Variants in ABI3BP observed in about 807,000 individuals in gnomAD.
ABI3BP encodes target of Nesh-SH3.
In ABI3BP, 216 loss-of-function variants were observed where a neutral mutation model predicts 268.6. The observed-to-expected ratio is 0.80, with a 90% confidence interval of 0.72 to 0.90. ABI3BP has a LOEUF of 0.90. Among genes scored for constraint, ABI3BP ranks in the 40% least tolerant of loss-of-function variants. The pLI is 0.00. For missense variants in ABI3BP, 2,090 were observed against 2,182.4 expected (o/e 0.96, Z 0.84); for synonymous variants, 730 against 730.0 (o/e 1.00, Z 0.00).
intron 55 of ABI3BP, 73 bp from the exon 56 acceptor site, chr3:100,789,589 G>C (rs1033052807): frequency 2.1e-6 from 3 of 1,435,196 alleles, no homozygotes; most frequent in Non-Finnish European, 1.9e-6. Context: ...TAGCATCCTA[G>C]GGACCAACAA....
At chr3:100,889,498 C>CAT (rs1425267347) in intron 4 of ABI3BP, among the ~76,000 whole-genome samples, 1 of 152,112 alleles carries the variant, frequency 6.6e-6, no homozygotes, top group African/African-American at 2.4e-5. Context: ...TTTACCATAA[C>CAT]ATATAGTCAC....
At chr3:100,954,472 T>G (rs937936307) in intron 1 of ABI3BP, among the ~76,000 whole-genome samples, 1 of 152,232 alleles carries the variant, frequency 6.6e-6, no homozygotes, top group Admixed American at 6.5e-5. Context: ...TCAGTACATT[T>G]ATTTTTAAAA....
intron 4 of ABI3BP, among the ~76,000 whole-genome samples, chr3:100,888,410 A>G (rs1228985313): frequency 1.3e-5 from 2 of 152,078 alleles, no homozygotes; most frequent in East Asian, 1.9e-4. Flanking sequence ...AGAAGCTAAA[A>G]TCAGACCAGA....
intron 59 of ABI3BP, among the ~76,000 whole-genome samples, chr3:100,775,708 G>A (rs760394318): frequency 3.9e-5 from 6 of 152,160 alleles, no homozygotes; most frequent in Non-Finnish European, 8.8e-5. Context: ...CAGTATTATA[G>A]ACAGAGGTTA....
At chr3:100,874,782 G>C (rs2099144002) in intron 9 of ABI3BP, 59 bp downstream of exon 9, 10 of 1,006,750 alleles carry the variant, frequency 9.9e-6, no homozygotes, top group African/African-American at 8.1e-5. Context: ...GATTTCCTAA[G>C]AATATCAGTG....
At chr3:100,760,420 C>T (rs188967941) in intron 63 of ABI3BP, among the ~76,000 whole-genome samples, 48 of 152,222 alleles carry the variant, frequency 3.2e-4, no homozygotes, top group Non-Finnish European at 5.9e-4. Context: ...GGAAGAACTC[C>T]GTCCATCAGT....
chr3:100,993,257 A>T, intron 1 of ABI3BP, 49 bp downstream of exon 1: 9 of 1,282,748 alleles, frequency 7.0e-6, no homozygotes, highest in Non-Finnish European at 9.9e-6. Flanking sequence ...ATTTAAAAAC[A>T]TCTATATCTT....
chr3:100,962,591 A>G (rs891137056), intron 1 of ABI3BP, among the ~76,000 whole-genome samples: 4 of 152,110 alleles, frequency 2.6e-5, no homozygotes, highest in African/African-American at 9.7e-5. Flanking sequence ...CACAAACAAA[A>G]CACTCTCTGT....
chr3:100,886,335 C>A lies in ABI3BP; in HGVS notation c.462-12G>T. The A allele has an allele frequency of 6.4e-7, 1 of 1,552,646 alleles. No individual in the cohort carries two copies. Among genetic ancestry groups the A allele is most frequent in the Non-Finnish European group, 8.7e-7 (1 of 1,146,036 alleles). ...GAATTGTATAAAATCTGTTGAATAACCAGAATATAATGCTTTAAAATCACA... is the reference window on the plus strand; with the variant it reads ...GAATTGTATAAAATCTGTTGAATAAACAGAATATAATGCTTTAAAATCACA... On this transcript the variant is annotated splice_polypyrimidine_tract_variant and intron_variant, in intron 4 of 67. Coordinates refer to ENST00000471714, the MANE Select transcript of ABI3BP (RefSeq NM_001375547.2).
intron 14 of ABI3BP, 22 bp from the exon 15 acceptor site, chr3:100,851,962 A>G (rs1257938580): frequency 7.4e-7 from 1 of 1,343,954 alleles, no homozygotes; most frequent in East Asian, 2.4e-5. Flanking sequence ...AAAAAAGGCA[A>G]AACAAGAGAG....
intron 1 of ABI3BP, chr3:100,930,799 C>T (rs1378099895): frequency 6.6e-6 from 1 of 151,762 alleles, no homozygotes; most frequent in African/African-American, 2.4e-5. Flanking sequence ...GAAATTATTC[C>T]CCAAAAAATT....
intron 4 of ABI3BP, among the ~76,000 whole-genome samples, chr3:100,893,114 C>G (rs1216234479): frequency 6.6e-6 from 1 of 152,226 alleles, no homozygotes; most frequent in East Asian, 1.9e-4. Context: ...CTGTCTGAGT[C>G]TTCTAGCTTC....
chr3:100,864,381 C>G (rs1485894919), intron 11 of ABI3BP: 2 of 382,562 alleles, frequency 5.2e-6, no homozygotes, highest in Non-Finnish European at 9.3e-6. Context: ...TAAGAAACAA[C>G]AAACATGGGT....
intron 35 of ABI3BP, 147 bp from the exon 36 acceptor site, chr3:100,825,088 C>G: frequency 1.5e-6 from 1 of 674,532 alleles, no homozygotes; most frequent in South Asian, 2.2e-5. Context: ...TATAACGATG[C>G]GTCATTTTAT....
chr3:100,879,558 C>CG (rs2099204341), intron 6 of ABI3BP, among the ~76,000 whole-genome samples: 1 of 152,074 alleles, frequency 6.6e-6, no homozygotes, highest in Admixed American at 6.5e-5. Flanking sequence ...TCAAACAAAC[C>CG]ATTTTTTGAC....
chr3:100,889,612 T>A (rs917734325), intron 4 of ABI3BP, among the ~76,000 whole-genome samples: 4 of 152,146 alleles, frequency 2.6e-5, no homozygotes, highest in Admixed American at 6.5e-5. Flanking sequence ...TAGTAGTCTA[T>A]GAATGTCATC....
chr3:100,968,078 C>A (rs1269655802), intron 1 of ABI3BP, among the ~76,000 whole-genome samples: 1 of 152,072 alleles, frequency 6.6e-6, no homozygotes, highest in Admixed American at 6.5e-5. Flanking sequence ...CATGGACGAG[C>A]CTGGGGAGTT....
In ABI3BP at chr3:100,753,846, CCGCTGAGGAGAAA is replaced by C. The variant is rs1172151201; in HGVS notation, c.4931-11_4932del. 1.9e-6 allele frequency: 3 copies of C among 1,609,666 alleles called. No individual in the cohort carries two copies. The highest frequency in any genetic ancestry group is 2.5e-6 in the Non-Finnish European group (3 of 1,178,174). ...GAAACTGGCTCACTCACTCTTGGGTCCGCTGAGGAGAAATAAATAGAAAAGTCAGACCTTACTA... is the reference window on the plus strand; with the variant it reads ...GAAACTGGCTCACTCACTCTTGGGTCTAAATAGAAAAGTCAGACCTTACTA... On this transcript the variant is annotated splice_acceptor_variant and splice_polypyrimidine_tract_variant and coding_sequence_variant and intron_variant, in exon 65 of 68. Coordinates refer to ENST00000471714, the MANE Select transcript of ABI3BP (RefSeq NM_001375547.2). LOFTEE classifies it high-confidence loss of function.
In ABI3BP at chr3:100,796,408, C is replaced by T. The variant is rs774675918; in HGVS notation, c.3817+1G>A. On this transcript the variant is annotated splice_donor_variant, in intron 52 of 67. Transcript: ENST00000471714. LOFTEE classifies it high-confidence loss of function. ...CCAGAAGGATGAAATAATTAATTTA[C>T]CAGGTTCGCTCTGAGAGACCTCAGG... is the stretch of plus-strand genomic sequence containing the variant. The T allele has an allele frequency of 6.4e-7, 1 of 1,572,818 alleles. No homozygotes were observed. Among genetic ancestry groups the T allele is most frequent in the East Asian group, 2.3e-5 (1 of 43,728 alleles).
Sources: allele counts gnomAD v4.1 joint callset (sites outside exome capture counted in the v4.1 genomes callset), GRCh38; gene constraint gnomAD v4.1.1; transcripts MANE v1.5; gene names NCBI Gene and HGNC (gene_info 2026-07-23, HGNC 2026-07-21).